The following AGO3 variants were observed in gnomAD, a reference collection of about 807,000 sequenced individuals.
AGO3 encodes the protein protein argonaute-3.
Under a neutral mutation model 105.5 loss-of-function variants are expected in AGO3, and 16 were observed. That is an observed-to-expected ratio of 0.15 (90% confidence interval 0.10 to 0.23). The LOEUF is 0.23. Ranked by LOEUF, AGO3 falls within the 10% of genes least tolerant of loss-of-function variation. AGO3 has a pLI of 1.00. For synonymous variants in AGO3, 340 were observed against 367.3 expected (o/e 0.93, Z 0.85); for missense variants, 534 against 1,088.0 (o/e 0.49, Z 7.16).
intron 5 of AGO3, among the ~76,000 whole-genome samples, chr1:35,980,760 A>G (rs1212372607): frequency 6.6e-6 from 1 of 152,202 alleles, no homozygotes; most frequent in Non-Finnish European, 1.5e-5. Flanking sequence ...GTGATTGCTG[A>G]AAGTATTTCT....
At chr1:35,968,335 T>G (rs1266627178) in intron 3 of AGO3, among the ~76,000 whole-genome samples, 1 of 152,202 alleles carries the variant, frequency 6.6e-6, no homozygotes, top group Non-Finnish European at 1.5e-5. Flanking sequence ...TCAGTGGTAT[T>G]AAGCACATTT....
intron 5 of AGO3, chr1:35,973,726 T>G: frequency 2.7e-6 from 1 of 373,944 alleles, no homozygotes; most frequent in Non-Finnish European, 4.3e-6. Context: ...AGCAAGCACA[T>G]GAAGACAGAT....
chr1:35,993,032 G>A (rs1380658696), intron 5 of AGO3, among the ~76,000 whole-genome samples: 1 of 152,216 alleles, frequency 6.6e-6, no homozygotes. Context: ...TCATGAGAGA[G>A]CAAGGCAGAG....
intron 2 of AGO3, 130 bp downstream of exon 2, chr1:35,945,993 T>A: frequency 1.0e-6 from 1 of 972,358 alleles, no homozygotes; most frequent in Non-Finnish European, 1.5e-6. Flanking sequence ...TAATTTGTTT[T>A]AAAACTGATT....
intron 11 of AGO3, among the ~76,000 whole-genome samples, chr1:36,022,140 A>G (rs1641265259): frequency 7.2e-6 from 1 of 138,012 alleles, no homozygotes; most frequent in African/African-American, 2.7e-5. Context: ...ACCATGGCTC[A>G]CTGCGCCTCA....
intron 12 of AGO3, among the ~76,000 whole-genome samples, chr1:36,029,387 C>G (rs200762276): frequency 7.0e-6 from 1 of 142,952 alleles, no homozygotes; most frequent in Non-Finnish European, 1.5e-5. Flanking sequence ...TTTTCTCTTT[C>G]TTTCTTTTTT....
intron 17 of AGO3, among the ~76,000 whole-genome samples, chr1:36,045,526 T>A (rs555116997): frequency 6.6e-6 from 1 of 151,518 alleles, no homozygotes; most frequent in East Asian, 2.0e-4. Flanking sequence ...CCGACCTTTT[T>A]TTTTTTTGAG....
intron 2 of AGO3, among the ~76,000 whole-genome samples, chr1:35,948,312 G>A (rs956661095): frequency 6.6e-6 from 1 of 151,068 alleles, no homozygotes; most frequent in South Asian, 2.1e-4. Flanking sequence ...CTGCCTCCTA[G>A]GTTCAAGCAA....
chr1:36,009,458 C>T lies in AGO3; in HGVS notation c.1030-17C>T, dbSNP rs774427889. 6.2e-7 allele frequency: 1 copy of T among 1,600,524 alleles called. No individual in the cohort carries two copies. Among genetic ancestry groups the T allele is most frequent in the Non-Finnish European group, 8.5e-7 (1 of 1,175,618 alleles). On this transcript the variant is annotated splice_polypyrimidine_tract_variant and intron_variant, in intron 8 of 18. Transcript: ENST00000373191. ...AAAGATATATACATGTAGTACAAAA[C>T]TTTTTTCCATTTGTAGGTCTGTAAT...
At chr1:36,009,154 TTTTTAAG>T in intron 8 of AGO3, 110 bp downstream of exon 8, 2 of 1,268,580 alleles carry the variant, frequency 1.6e-6, no homozygotes, top group South Asian at 3.6e-5. Context: ...ATATGAACTG[TTTTTAAG>T]TTTTAATTTA....
In AGO3 at chr1:36,043,313, C is replaced by T. The variant is rs1335553395; in HGVS notation, c.2173-134C>T. 1.0e-5 allele frequency: 7 copies of T among 694,812 alleles called. No homozygotes were observed. In the East Asian group the frequency reaches 1.9e-4, roughly 19 times the overall value. The allele number at this position is 694,812 out of a possible 1,614,324, so 43.0% of individuals were successfully genotyped here. On this transcript the variant is annotated intron_variant, in intron 16 of 18. Coordinates refer to ENST00000373191, the MANE Select transcript of AGO3 (RefSeq NM_024852.4). Reference sequence around the variant, plus strand: ...GACCTGCGTAGTCTGCTCTGAATGACTGCTTAAGTCATATTTCAAGGTGAA... The same window carrying T: ...GACCTGCGTAGTCTGCTCTGAATGATTGCTTAAGTCATATTTCAAGGTGAA...
chr1:36,030,244 G>A (rs1177376917), intron 12 of AGO3, among the ~76,000 whole-genome samples: 1 of 152,104 alleles, frequency 6.6e-6, no homozygotes, highest in African/African-American at 2.4e-5. Context: ...GCTTATGCCT[G>A]TAATCCCAGC....
chr1:36,034,816 G>A (rs1641933357), intron 13 of AGO3, among the ~76,000 whole-genome samples: 1 of 152,198 alleles, frequency 6.6e-6, no homozygotes. Flanking sequence ...GGAACTGGGA[G>A]CCCAGATTAG....
intron 2 of AGO3, among the ~76,000 whole-genome samples, chr1:35,954,231 A>G (rs540271484): frequency 6.6e-6 from 1 of 152,330 alleles, no homozygotes; most frequent in African/African-American, 2.4e-5. Context: ...GATGGTAATT[A>G]TTTCACATCT....
rs745512336 is a variant in AGO3, at chr1:35,988,940, TCTTA to T, written c.659-15397_659-15394del. On this transcript the variant is annotated intron_variant, in intron 5 of 18. Coordinates refer to ENST00000373191, the MANE Select transcript of AGO3 (RefSeq NM_024852.4). ...ATAATGAGAAATATTGCACTGACCA[TCTTA>T]CTTGCTTACATTTCCTTTTTGCTTT... is the stretch of plus-strand genomic sequence containing the variant. Among the ~76,000 whole-genome samples the T allele has an allele frequency of 9.8e-5, 15 of 152,340 alleles. No homozygotes were observed. In the East Asian group the frequency reaches 1.5e-3, roughly 16 times the overall value.
intron 17 of AGO3, among the ~76,000 whole-genome samples, chr1:36,054,470 C>T (rs1307153270): frequency 1.3e-5 from 2 of 151,992 alleles, no homozygotes; most frequent in Non-Finnish European, 2.9e-5. Context: ...GAGATGGAGC[C>T]TCACTGTGTT....
In AGO3 at chr1:36,069,468, G is replaced by C. The variant is rs1035542743; in HGVS notation, c.*13723G>C. ...AAGGAAAAGCTATTCAGACGTTCAA[G>C]ATAATAGAAGAGTGTTGTGTGAAGG... On this transcript the variant is annotated 3_prime_UTR_variant, in exon 19 of 19. Transcript: ENST00000373191. 3.3e-5 allele frequency: 5 copies of C among 152,230 alleles called. No homozygotes were observed. The highest frequency in any genetic ancestry group is 1.2e-4 in the African/African-American group (5 of 41,456). The allele number at this position is 152,230 out of a possible 1,614,324, so 9.4% of individuals were successfully genotyped here.
chr1:35,987,978 G>A (rs1647277461), intron 5 of AGO3, among the ~76,000 whole-genome samples: 1 of 151,968 alleles, frequency 6.6e-6, no homozygotes, highest in African/African-American at 2.4e-5. Flanking sequence ...TAAGGCAGGA[G>A]AATCGCTTGA....
chr1:35,981,142 G>T (rs964735681), intron 5 of AGO3, among the ~76,000 whole-genome samples: 1 of 152,094 alleles, frequency 6.6e-6, no homozygotes, highest in Admixed American at 6.6e-5. Flanking sequence ...AAAAAGTAGG[G>T]TTTTAATTTT....
Sources: allele counts gnomAD v4.1 joint callset (sites outside exome capture counted in the v4.1 genomes callset), GRCh38; gene constraint gnomAD v4.1.1; transcripts MANE v1.5; gene names NCBI Gene and HGNC (gene_info 2026-07-23, HGNC 2026-07-21).